PRDX2: variants seen among roughly 807,000 people sequenced by gnomAD.
PRDX2 encodes peroxiredoxin-2.
In PRDX2, 10 loss-of-function variants were observed where a neutral mutation model predicts 19.8. The ratio of observed to expected loss-of-function variants is 0.50; its 90% CI spans 0.31 to 0.86. PRDX2 has a LOEUF of 0.86. PRDX2 is among the 40% of genes least tolerant of loss of function. The pLI is 0.04. For missense variants in PRDX2, 226 were observed against 260.1 expected (o/e 0.87, Z 0.90); for synonymous variants, 118 against 108.2 (o/e 1.09, Z -0.56).
At chr19:12,798,652 CT>C (rs1014273912) in intron 5 of PRDX2, among the ~76,000 whole-genome samples, 582 of 95,158 alleles carry the variant, frequency 6.1e-3, no homozygotes, top group South Asian at 9.7e-3. Context: ...CATCTGGCCT[CT>C]TTTTTTTTTT....
In PRDX2 at chr19:12,801,227, G is replaced by A. The variant is rs374077252; in HGVS notation, c.35C>T (p.Ala12Val). Residue 12 changes from alanine (A) to valine (V), a missense_variant, in exon 2 of 6, where the codon GCC becomes GTC. Physicochemically the swap from Ala to Val is moderately conservative, Grantham distance 64. Coordinates refer to ENST00000301522, the MANE Select transcript of PRDX2 (RefSeq NM_005809.6). ...ASGNARIGKP[A>V]PDFKATAVVD... ...CACCGCTGTGGCCTTGAAGTCAGGG[G>A]CTGGCTTTCCGATGCGCGCGTTACC... The A allele has an allele frequency of 5.0e-6, 8 of 1,613,866 alleles. No individual in the cohort carries two copies. The highest frequency in any genetic ancestry group is 6.8e-6 in the Non-Finnish European group (8 of 1,180,014).
chr19:12,799,017 G>C (rs953678110), intron 5 of PRDX2, among the ~76,000 whole-genome samples: 1 of 151,138 alleles, frequency 6.6e-6, no homozygotes, highest in Non-Finnish European at 1.5e-5. Flanking sequence ...TCCTGCCTCA[G>C]CCTCCCAAGT....
At position 12,800,382 on chromosome 19, in the gene PRDX2, A is replaced by C; in HGVS notation, c.258-83T>G. 3 of 1,518,474 alleles carry C rather than the reference A, an allele frequency of 2.0e-6. No homozygotes were observed. The Admixed American group carries it at 6.0e-5, about 31-fold the overall frequency. 94.1% of individuals were successfully genotyped at this position (1,518,474 alleles called of 1,614,324 possible). ...ACCCTGTGGGCCCAATGTGATAAGC[A>C]CTGGAGGCCGGAGATAAGGGGCTTT... On this transcript the variant is annotated intron_variant, in intron 3 of 5. Transcript: ENST00000301522.
rs541050535 is a variant in PRDX2, at chr19:12,800,286, G to C, written c.271C>G (p.Arg91Gly). ...FTHLAWINTP[R>G]KEGGLGPLNI... ...AGGGGGCCCAAGCCTCCCTCTTTCC[G>C]GGGGGTGTTGATCCTGGGAGTAGGG... is the stretch of plus-strand genomic sequence containing the variant. The change falls in exon 4 of 6, where the codon CGG becomes GGG. Residue 91 changes from arginine (R) to glycine (G), a missense_variant. Physicochemically the swap from Arg to Gly is moderately radical, Grantham distance 125. Transcript: ENST00000301522. 31 of 1,612,100 alleles carry C rather than the reference G, an allele frequency of 1.9e-5. No homozygotes were observed. Among genetic ancestry groups the C allele is most frequent in the Middle Eastern group, 1.6e-4 (1 of 6,082 alleles).
At chr19:12,797,478 G>A (rs1271344414) in intron 5 of PRDX2, among the ~76,000 whole-genome samples, 1 of 151,618 alleles carries the variant, frequency 6.6e-6, no homozygotes, top group African/African-American at 2.4e-5. Context: ...GCACCACCAC[G>A]CCTGGCTAAT....
At chr19:12,800,737 C>T in intron 3 of PRDX2, 179 bp downstream of exon 3, 1 of 1,510,262 alleles carries the variant, frequency 6.6e-7, no homozygotes, top group Non-Finnish European at 8.9e-7. Flanking sequence ...TACCAGGCAA[C>T]TAGTTGTCAA....
At chr19:12,800,617 GGTGAACTGGA>G in intron 3 of PRDX2, 4 of 1,250,870 alleles carry the variant, frequency 3.2e-6, no homozygotes, top group Non-Finnish European at 4.3e-6. Context: ...CCTTCACTTC[GGTGAACTGGA>G]GTTTCCATCT....
intron 3 of PRDX2, 49 bp downstream of exon 3, chr19:12,800,867 T>C (rs2145817303): frequency 6.4e-7 from 1 of 1,567,472 alleles, no homozygotes; most frequent in African/African-American, 1.4e-5. Flanking sequence ...TGCTAGGACC[T>C]GAGGGTGTGA....
intron 3 of PRDX2, 199 bp from the exon 4 acceptor site, chr19:12,800,498 A>G: frequency 1.2e-6 from 1 of 815,306 alleles, no homozygotes; most frequent in Non-Finnish European, 1.9e-6. Context: ...TTTGAGAGGC[A>G]CAGCTCCAGC....
At chr19:12,798,693 A>G (rs1360925004) in intron 5 of PRDX2, among the ~76,000 whole-genome samples, 1 of 104,130 alleles carries the variant, frequency 9.6e-6, no homozygotes, top group African/African-American at 4.5e-5. Flanking sequence ...CCCATCTCTT[A>G]AAAAAAAAAA....
At chr19:12,798,839 C>T (rs778101002) in intron 5 of PRDX2, among the ~76,000 whole-genome samples, 2 of 152,030 alleles carry the variant, frequency 1.3e-5, no homozygotes, top group Non-Finnish European at 2.9e-5. Context: ...GACACAGCAT[C>T]TTCCTGTCTT....
chr19:12,801,327 G>A (rs1409448779), intron 1 of PRDX2, 57 bp from the exon 2 acceptor site: 1 of 1,531,956 alleles, frequency 6.5e-7, no homozygotes, highest in Non-Finnish European at 8.9e-7. Flanking sequence ...CCCAACCCAA[G>A]GTCGCGCTGC....
chr19:12,798,026 C>G (rs116157467), intron 5 of PRDX2, among the ~76,000 whole-genome samples: 13,494 of 151,554 alleles, frequency 0.089, 668 homozygotes, highest in African/African-American at 0.13. Flanking sequence ...TGCCACCCAG[C>G]TCTCCTTTTT....
At position 12,799,887 on chromosome 19, in the gene PRDX2, G is replaced by A. The variant is rs368241981; in HGVS notation, c.483C>T (p.Ala161=). The change falls in exon 5 of 6, where the codon GCC becomes GCT. Residue 161 remains alanine, a synonymous_variant. Transcript: ENST00000301522. Reference sequence around the variant, plus strand: ...CCCCATGCTCGTCTGTGTACTGGAAGGCCTGGACCAGCCGCAGAGCCTCAT... The same window carrying A: ...CCCCATGCTCGTCTGTGTACTGGAAAGCCTGGACCAGCCGCAGAGCCTCAT... ...SVDEALRLVQ[A]FQYTDEHGEV... 2.0e-5 allele frequency: 32 copies of A among 1,613,046 alleles called. No homozygotes were observed. Among genetic ancestry groups the A allele is most frequent in the Non-Finnish European group, 2.6e-5 (31 of 1,179,944 alleles).
Position 12,797,185 on chromosome 19 carries a change from A to G in PRDX2, c.512-19T>C, listed in dbSNP as rs1352618372. ...GGACAAACTGTGGGAAGACACAAGG[A>G]TGCACATGAAGGCTACAGCCCCAGG... is the stretch of plus-strand genomic sequence containing the variant. On this transcript the variant is annotated intron_variant, in intron 5 of 5. Transcript: ENST00000301522. 7 of 1,609,032 alleles carry G rather than the reference A, an allele frequency of 4.4e-6. No individual in the cohort carries two copies. Among genetic ancestry groups the G allele is most frequent in the Non-Finnish European group, 6.0e-6 (7 of 1,175,634 alleles).
chr19:12,799,185 C>T (rs1287518951), intron 5 of PRDX2, among the ~76,000 whole-genome samples: 1 of 151,882 alleles, frequency 6.6e-6, no homozygotes, highest in Non-Finnish European at 1.5e-5. Flanking sequence ...AGGCGTGAGC[C>T]ACCGCGCTCG....
intron 3 of PRDX2, chr19:12,800,605 G>T: frequency 8.7e-7 from 1 of 1,146,126 alleles, no homozygotes; most frequent in Non-Finnish European, 1.2e-6. Flanking sequence ...ATGGGGTACA[G>T]CCCTTCACTT....
At chr19:12,801,135 G>A (rs770100977) in intron 2 of PRDX2, 24 bp downstream of exon 2, 1 of 1,613,932 alleles carries the variant, frequency 6.2e-7, no homozygotes, top group South Asian at 1.1e-5. Flanking sequence ...GCTTCTACCT[G>A]GGCCCCCTCC....
intron 5 of PRDX2, among the ~76,000 whole-genome samples, chr19:12,797,925 G>A (rs1249856382): frequency 6.6e-6 from 1 of 152,092 alleles, no homozygotes; most frequent in African/African-American, 2.4e-5. Flanking sequence ...CTCCCAAAAT[G>A]CTAGGATTAC....
Sources: gnomAD v4.1 joint callset for allele counts (sites outside exome capture counted in the v4.1 genomes callset) on GRCh38, gnomAD v4.1.1 for gene constraint, MANE v1.5 for transcripts, NCBI Gene and HGNC (gene_info 2026-07-23, HGNC 2026-07-21) for gene names.